The following MYLK variants were observed in gnomAD, a reference collection of about 807,000 sequenced individuals.
The protein encoded by MYLK is myosin light chain kinase, smooth muscle.
In MYLK, 106 loss-of-function variants were observed where a neutral mutation model predicts 203.4. The observed-to-expected ratio is 0.52, with a 90% CI of 0.45 to 0.61. The LOEUF (loss-of-function observed/expected upper bound fraction) is 0.61, where lower values mean the gene tolerates loss of function less well. Among genes scored for constraint, MYLK ranks in the 20% least tolerant of loss-of-function variants. The pLI is 0.00. For missense variants in MYLK, 2,072 were observed against 2,442.3 expected, an observed-to-expected ratio of 0.85 and a Z score of 3.20; for synonymous variants, 867 against 959.5, an observed-to-expected ratio of 0.90 and a Z score of 1.78.
intron 2 of MYLK, among the ~76,000 whole-genome samples, chr3:123,872,754 G>C (rs1407908220): frequency 6.6e-6 from 1 of 152,154 alleles, no homozygotes; most frequent in Non-Finnish European, 1.5e-5. Flanking sequence ...AGTGTGCTTA[G>C]TCAATTCCAA....
chr3:123,661,453 T>C (rs2059559251), intron 23 of MYLK, among the ~76,000 whole-genome samples: 1 of 152,106 alleles, frequency 6.6e-6, no homozygotes, highest in African/African-American at 2.4e-5. Flanking sequence ...TCCTGACTCC[T>C]TGGGAGGAAA....
At chr3:123,839,841 A>G (rs1321951389) in intron 2 of MYLK, among the ~76,000 whole-genome samples, 1 of 152,200 alleles carries the variant, frequency 6.6e-6, no homozygotes, top group Non-Finnish European at 1.5e-5. Context: ...GAGACCACAT[A>G]GAAATATTCT....
intron 29 of MYLK, among the ~76,000 whole-genome samples, chr3:123,636,734 G>A (rs912266629): frequency 6.6e-6 from 1 of 152,214 alleles, no homozygotes; most frequent in Non-Finnish European, 1.5e-5. Flanking sequence ...CTCCAAGAGG[G>A]GGCGGGGCAG....
chr3:123,826,474 G>A (rs751544446), intron 3 of MYLK, among the ~76,000 whole-genome samples: 1 of 152,190 alleles, frequency 6.6e-6, no homozygotes, highest in Non-Finnish European at 1.5e-5. Context: ...ACAAGCATAA[G>A]AAACAGACCT....
chr3:123,841,385 T>A (rs182939459), intron 2 of MYLK, among the ~76,000 whole-genome samples: 1 of 152,312 alleles, frequency 6.6e-6, no homozygotes, highest in East Asian at 1.9e-4. Context: ...ATATTGCCTA[T>A]CTTTACATAG....
At chr3:123,713,520 T>C (rs1260153429) in intron 13 of MYLK, among the ~76,000 whole-genome samples, 1 of 151,494 alleles carries the variant, frequency 6.6e-6, no homozygotes, top group African/African-American at 2.4e-5. Context: ...TCCTAGATCC[T>C]TGACAACTGA....
intron 13 of MYLK, among the ~76,000 whole-genome samples, chr3:123,711,506 C>T (rs1690653964): frequency 6.6e-6 from 1 of 152,174 alleles, no homozygotes; most frequent in African/African-American, 2.4e-5. Flanking sequence ...TTTCCTCATG[C>T]TTAGAATCCC....
chr3:123,739,874 T>G, intron 6 of MYLK, 79 bp downstream of exon 6: 1 of 1,499,838 alleles, frequency 6.7e-7, no homozygotes, highest in Non-Finnish European at 9.3e-7. Flanking sequence ...GAGCCAAGAC[T>G]TACTCCCCAG....
At chr3:123,749,979 G>A (rs1293495705) in intron 5 of MYLK, among the ~76,000 whole-genome samples, 1 of 152,250 alleles carries the variant, frequency 6.6e-6, no homozygotes, top group Non-Finnish European at 1.5e-5. Context: ...AGGGAAGGCA[G>A]TTGGGCTGCT....
rs775461771 is a variant in MYLK, at chr3:123,700,797, C to T, written c.2671G>A (p.Glu891Lys). ...QHTEEAIRQQ[E>K]VEQLDFRDLL... ...TCTCGGAAGTCCAGCTGCTCCACCT[C>T]CTGCTGGCGGATCGCCTCCTCAGTG... Residue 891 changes from glutamate to lysine, a missense_variant, in exon 18 of 34, where the codon GAG (glutamate) becomes AAG (lysine). Physicochemically the swap from Glu to Lys is moderately conservative, Grantham distance 56. Around this residue, in one of 3 missense-constraint regions of MYLK, gnomAD observed 865 missense variants for 1,016.0 expected, o/e 0.85. Coordinates refer to ENST00000360304, the MANE Select transcript of MYLK (RefSeq NM_053025.4). 1.9e-6 allele frequency: 3 copies of T among 1,614,128 alleles called. No individual in the cohort carries two copies. The highest frequency in any genetic ancestry group is 2.2e-5 in the East Asian group (1 of 44,886).
chr3:123,708,254 G>T (rs779735064), intron 15 of MYLK, among the ~76,000 whole-genome samples: 28 of 152,182 alleles, frequency 1.8e-4, no homozygotes, highest in Non-Finnish European at 3.7e-4. Flanking sequence ...CAGAAGGCAC[G>T]GGGCACCGAG....
At chr3:123,709,999 C>T (rs1358674211) in intron 13 of MYLK, 106 bp from the exon 14 acceptor site, 116 of 1,452,902 alleles carry the variant, frequency 8.0e-5, no homozygotes, top group South Asian at 1.9e-4. Flanking sequence ...TCAGTTCCCA[C>T]CAGAAACTGG....
rs553352648 is a variant in MYLK at position 123,829,821 on chromosome 3, T to C, written c.-4+1727A>G. 2.4e-3 allele frequency among the ~76,000 whole-genome samples: 362 copies of C among 152,298 alleles called. 1 individual carries two copies. Among genetic ancestry groups the C allele is most frequent in the Non-Finnish European group, 3.5e-3 (238 of 68,012 alleles). ...ATGAGTGTCCCATTGGCTCAGACTTTAAGGGACTCACAAAGAAGGGCATGA... is the reference window on the plus strand; with the variant it reads ...ATGAGTGTCCCATTGGCTCAGACTTCAAGGGACTCACAAAGAAGGGCATGA... On this transcript the variant is annotated intron_variant, in intron 3 of 33. Transcript: ENST00000360304.
intron 23 of MYLK, chr3:123,659,768 G>C: frequency 2.0e-6 from 1 of 498,324 alleles, no homozygotes; most frequent in South Asian, 1.5e-5. Context: ...CTGGGAGGGA[G>C]ACCCTGGGCA....
In MYLK at chr3:123,640,238, G is replaced by T; in HGVS notation, c.4837+49C>A. 1 of 1,522,844 alleles carries T rather than the reference G, an allele frequency of 6.6e-7. No homozygotes were observed. The highest frequency in any genetic ancestry group is 9.1e-7 in the Non-Finnish European group (1 of 1,097,346). The allele number at this position is 1,522,844 out of a possible 1,614,324, so 94.3% of individuals were successfully genotyped here. On this transcript the variant is annotated intron_variant, in intron 28 of 33. Transcript: ENST00000360304. This position sits in a 1 kb window ranked among gnomAD's most constrained non-coding sequence, Gnocchi z 4.3. ...CTCACACTCAGTGTGAGAGGAAACG[G>T]CCAGTGCAATACACACTGGTGTCCA...
chr3:123,688,717 C>T (rs1018272675), intron 19 of MYLK, among the ~76,000 whole-genome samples: 3 of 152,196 alleles, frequency 2.0e-5, no homozygotes, highest in South Asian at 2.1e-4. Flanking sequence ...CTCCTGCCTC[C>T]TGAAACGCCT....
chr3:123,823,796 A>C (rs753534070), intron 3 of MYLK, among the ~76,000 whole-genome samples: 4 of 151,776 alleles, frequency 2.6e-5, no homozygotes, highest in Non-Finnish European at 5.9e-5. Context: ...ACTGCCCCAA[A>C]CTCATCTCCT....
intron 29 of MYLK, among the ~76,000 whole-genome samples, 171 bp downstream of exon 29, chr3:123,637,900 C>T (rs1411920582): frequency 6.6e-6 from 1 of 152,140 alleles, no homozygotes; most frequent in Non-Finnish European, 1.5e-5. Flanking sequence ...AGCCCAGGAG[C>T]AGGGTGGGCT....
intron 9 of MYLK, 147 bp downstream of exon 9, chr3:123,735,251 A>G: frequency 8.9e-7 from 1 of 1,128,826 alleles, no homozygotes; most frequent in African/African-American, 1.5e-5. Context: ...GGAGAACAAG[A>G]CAAAACACCC....
Sources: allele counts gnomAD v4.1 joint callset (sites outside exome capture counted in the v4.1 genomes callset), GRCh38; gene constraint gnomAD v4.1.1; regional missense constraint gnomAD v4.1.1; non-coding constraint Gnocchi (gnomAD v3.1); transcripts MANE v1.5; gene names NCBI Gene and HGNC (gene_info 2026-07-23, HGNC 2026-07-21).